The following KLF12 variants were observed in gnomAD, a reference collection of about 807,000 sequenced individuals.
KLF12 encodes KLF transcription factor 12, also known as Krueppel-like factor 12.
Under a neutral mutation model 37.8 loss-of-function variants are expected in KLF12, and 9 were observed. That is an observed-to-expected ratio of 0.24 (90% CI 0.14 to 0.42). The LOEUF is 0.42. KLF12 is among the 10% of genes least tolerant of loss of function. The pLI is 1.00. For missense variants in KLF12, 411 were observed against 516.0 expected (o/e 0.80, Z 1.97); for synonymous variants, 208 against 202.1 (o/e 1.03, Z -0.25).
chr13:74,180,749 A>G, the KLF12 span, among the ~76,000 whole-genome samples: 1 of 152,286 alleles, frequency 6.6e-6, no homozygotes, highest in South Asian at 2.1e-4. Context: ...TGCCTCAGCT[A>G]TAGGAATAAT....
At position 73,931,789 on chromosome 13, in the gene KLF12, A is replaced by G. The variant is rs187923269; in HGVS notation, c.123+12192T>C. ...CCAACAGCCCCTGCACTGTTTATAG[A>G]AAATGCTTCACCTCAAATATTTTGC... is the stretch of plus-strand genomic sequence containing the variant. On this transcript the variant is annotated intron_variant, in intron 3 of 7. Coordinates refer to ENST00000377669, the MANE Select transcript of KLF12 (RefSeq NM_007249.5). Among the ~76,000 whole-genome samples, 223 of 148,644 alleles carry G rather than the reference A, an allele frequency of 1.5e-3. 1 individual carries two copies. Among genetic ancestry groups the G allele is most frequent in the East Asian group, 1.0e-3 (5 of 4,996 alleles).
chr13:73,706,254 A>G (rs909919972), intron 7 of KLF12, among the ~76,000 whole-genome samples: 2 of 152,066 alleles, frequency 1.3e-5, no homozygotes, highest in Admixed American at 1.3e-4. Flanking sequence ...ATGAAACACA[A>G]CTCATTTAGT....
intron 1 of KLF12, among the ~76,000 whole-genome samples, chr13:74,109,571 A>G (rs1175592670): frequency 6.6e-6 from 1 of 152,230 alleles, no homozygotes; most frequent in Non-Finnish European, 1.5e-5. Context: ...GCAACATACC[A>G]TGATGTCAAA....
intron 7 of KLF12, among the ~76,000 whole-genome samples, chr13:73,700,276 A>AT (rs1177328210): frequency 1.4e-4 from 21 of 151,010 alleles, no homozygotes; most frequent in South Asian, 6.3e-4. Context: ...CAAAAAATAA[A>AT]TAAATAAATT....
intron 3 of KLF12, among the ~76,000 whole-genome samples, chr13:73,907,512 C>CA (rs1337167131): frequency 6.6e-6 from 1 of 152,178 alleles, no homozygotes; most frequent in African/African-American, 2.4e-5. Flanking sequence ...CCTCAGCTCT[C>CA]AGTCTTCTAA....
chr13:73,775,997 T>C (rs1255923607), intron 5 of KLF12, among the ~76,000 whole-genome samples: 1 of 152,192 alleles, frequency 6.6e-6, no homozygotes, highest in Non-Finnish European at 1.5e-5. Flanking sequence ...GAAAGTGGCA[T>C]AAACTAGATT....
rs575566062 is a variant in KLF12, at chr13:74,078,859, G to A, written c.-32+54880C>T. Among the ~76,000 whole-genome samples the A allele has an allele frequency of 1.2e-3, 178 of 152,178 alleles. 1 individual carries two copies. The highest frequency in any genetic ancestry group is 3.9e-3 in the African/African-American group (161 of 41,516). ...TCCCTCACAGGAACCACCTACCCCC[G>A]TCACTGGAAATGAGTTCCTAGAGAT... On this transcript the variant is annotated intron_variant, in intron 1 of 7. Coordinates refer to ENST00000377669, the MANE Select transcript of KLF12 (RefSeq NM_007249.5).
chr13:74,232,589 A>G, the KLF12 span, among the ~76,000 whole-genome samples: 8 of 152,366 alleles, frequency 5.3e-5, no homozygotes, highest in South Asian at 1.4e-3. Flanking sequence ...CATTCAAAGT[A>G]GAGTGTCTTA....
At chr13:74,017,002 G>A (rs778259058) in intron 1 of KLF12, among the ~76,000 whole-genome samples, 29 of 152,026 alleles carry the variant, frequency 1.9e-4, no homozygotes, top group Non-Finnish European at 2.8e-4. Flanking sequence ...AGAAAAGGCC[G>A]GACTCAAAAC....
intron 3 of KLF12, among the ~76,000 whole-genome samples, chr13:73,921,000 TCAAA>T (rs1247845862): frequency 2.0e-5 from 3 of 152,044 alleles, no homozygotes; most frequent in Non-Finnish European, 4.4e-5. Flanking sequence ...TAAAATCTCA[TCAAA>T]CAGAGATTAA....
intron 3 of KLF12, among the ~76,000 whole-genome samples, chr13:73,854,913 T>C (rs1488190628): frequency 2.0e-5 from 3 of 152,174 alleles, no homozygotes; most frequent in Admixed American, 1.3e-4. Flanking sequence ...TGTCTTCTAA[T>C]AGAAAACACT....
At chr13:73,943,879 G>T (rs1890301176) in intron 3 of KLF12, 102 bp downstream of exon 3, 1 of 727,288 alleles carries the variant, frequency 1.4e-6, no homozygotes, top group Non-Finnish European at 2.3e-6. Flanking sequence ...AAAAGCTTAA[G>T]CAAGGGAAAC....
At chr13:74,109,569 C>T (rs889416439) in intron 1 of KLF12, among the ~76,000 whole-genome samples, 14 of 152,006 alleles carry the variant, frequency 9.2e-5, no homozygotes, top group African/African-American at 2.9e-4. Context: ...AAGCAACATA[C>T]CATGATGTCA....
intron 5 of KLF12, among the ~76,000 whole-genome samples, chr13:73,792,296 CTA>C (rs1566371110): frequency 6.6e-6 from 1 of 152,082 alleles, no homozygotes; most frequent in Non-Finnish European, 1.5e-5. Flanking sequence ...ATATTGATCT[CTA>C]GTTATAATAA....
At chr13:73,765,658 T>C (rs569605116) in intron 5 of KLF12, among the ~76,000 whole-genome samples, 4 of 152,310 alleles carry the variant, frequency 2.6e-5, no homozygotes, top group Non-Finnish European at 5.9e-5. Flanking sequence ...ACTTATCCAC[T>C]GGAAACAGCT....
the KLF12 span, among the ~76,000 whole-genome samples, chr13:74,211,092 T>C: frequency 6.6e-6 from 1 of 152,304 alleles, no homozygotes; most frequent in African/African-American, 2.4e-5. Flanking sequence ...TATTATTGCC[T>C]TTCCTGTGCT....
chr13:73,957,011 GAA>G (rs1890858801), intron 2 of KLF12, among the ~76,000 whole-genome samples: 1 of 127,870 alleles, frequency 7.8e-6, no homozygotes, highest in African/African-American at 2.9e-5. Flanking sequence ...GAAAGGAAAG[GAA>G]AAGAAAGGAA....
At chr13:73,836,391 A>T (rs1386981489) in intron 4 of KLF12, among the ~76,000 whole-genome samples, 1 of 152,208 alleles carries the variant, frequency 6.6e-6, no homozygotes, top group Admixed American at 6.5e-5. Context: ...CAGAGTTGTA[A>T]ATTATTAAAA....
the KLF12 span, among the ~76,000 whole-genome samples, chr13:74,172,814 A>T: frequency 6.6e-6 from 1 of 152,212 alleles, no homozygotes; most frequent in Admixed American, 6.6e-5. Flanking sequence ...ATTCTGCCCA[A>T]ATGGAGGAAG....
Sources: allele counts gnomAD v4.1 joint callset (sites outside exome capture counted in the v4.1 genomes callset), GRCh38; gene constraint gnomAD v4.1.1; transcripts MANE v1.5; gene names NCBI Gene and HGNC (gene_info 2026-07-23, HGNC 2026-07-21).